Variants in LOC400499 observed in about 807,000 individuals in gnomAD.
At chr16:11,407,000 G>C in the LOC400499 span, among the ~76,000 whole-genome samples, 3 of 152,272 alleles carry the variant, frequency 2.0e-5, no homozygotes, top group Admixed American at 1.3e-4. Flanking sequence ...TTCTGAAATA[G>C]TGCCTGGCAC....
chr16:11,383,555 C>G, the LOC400499 span: 44 of 1,201,912 alleles, frequency 3.7e-5, no homozygotes, highest in Non-Finnish European at 4.5e-5. Context: ...TTTGTCCTCC[C>G]TGGTGAGAGA....
chr16:11,376,615 G>C, the LOC400499 span, among the ~76,000 whole-genome samples: 21 of 152,266 alleles, frequency 1.4e-4, no homozygotes, highest in African/African-American at 5.1e-4. Context: ...TTTTGAAATT[G>C]GGAAGTATAA....
the LOC400499 span, among the ~76,000 whole-genome samples, chr16:11,381,453 G>C: frequency 6.6e-6 from 1 of 152,104 alleles, no homozygotes. Context: ...CTCTAGAGAT[G>C]AGTCCTCGGT....
At chr16:11,515,143 T>C in the LOC400499 span, among the ~76,000 whole-genome samples, 1 of 152,066 alleles carries the variant, frequency 6.6e-6, no homozygotes, top group Non-Finnish European at 1.5e-5. Flanking sequence ...TTATCTCTAC[T>C]AAAATTTTTT....
the LOC400499 span, chr16:11,391,588 G>C: frequency 4.9e-5 from 57 of 1,171,358 alleles, no homozygotes; most frequent in Non-Finnish European, 6.0e-5. Context: ...ACAGGCCAAT[G>C]TGAGCGCTTA....
chr16:11,482,619 G>A, the LOC400499 span, among the ~76,000 whole-genome samples: 16 of 152,280 alleles, frequency 1.1e-4, no homozygotes, highest in African/African-American at 3.8e-4. Flanking sequence ...GGTCAGCCAT[G>A]GTGGGTCACA....
At chr16:11,406,750 T>C in the LOC400499 span, among the ~76,000 whole-genome samples, 20 of 152,376 alleles carry the variant, frequency 1.3e-4, no homozygotes, top group African/African-American at 4.3e-4. Context: ...GATTTTCAAA[T>C]GGCTGGTGCT....
the LOC400499 span, among the ~76,000 whole-genome samples, chr16:11,486,978 T>G: frequency 6.8e-6 from 1 of 146,718 alleles, no homozygotes; most frequent in Non-Finnish European, 1.5e-5. Flanking sequence ...GGTGGGTGGA[T>G]GGACGAGATG....
chr16:11,503,750 G>A, the LOC400499 span, among the ~76,000 whole-genome samples: 1 of 152,198 alleles, frequency 6.6e-6, no homozygotes, highest in African/African-American at 2.4e-5. Context: ...GCCTTCTGTG[G>A]TCAGAGCCAG....
At chr16:11,482,721 T>C in the LOC400499 span, among the ~76,000 whole-genome samples, 1 of 151,886 alleles carries the variant, frequency 6.6e-6, no homozygotes. Context: ...TGAGACCCCA[T>C]CTCAACAAAA....
At chr16:11,374,937 C>T in the LOC400499 span, among the ~76,000 whole-genome samples, 2 of 152,128 alleles carry the variant, frequency 1.3e-5, no homozygotes, top group Non-Finnish European at 2.9e-5. Context: ...CAACCTCCGC[C>T]TCCCGGGTTC....
At chr16:11,510,550 G>C in the LOC400499 span, among the ~76,000 whole-genome samples, 1 of 151,614 alleles carries the variant, frequency 6.6e-6, no homozygotes, top group Non-Finnish European at 1.5e-5. Context: ...TCCTGACATG[G>C]ATCACAGTCT....
the LOC400499 span, among the ~76,000 whole-genome samples, chr16:11,492,401 A>C: frequency 2.6e-5 from 4 of 151,998 alleles, no homozygotes; most frequent in South Asian, 4.1e-4. Flanking sequence ...TGACAGCCAT[A>C]AACAAGACCA....
At chr16:11,506,747 G>C in the LOC400499 span, among the ~76,000 whole-genome samples, 1 of 152,286 alleles carries the variant, frequency 6.6e-6, no homozygotes, top group African/African-American at 2.4e-5. Context: ...CTGAGTCCTG[G>C]TTTTGTTTCC....
At chr16:11,465,914 A>G in the LOC400499 span, among the ~76,000 whole-genome samples, 1 of 152,084 alleles carries the variant, frequency 6.6e-6, no homozygotes, top group African/African-American at 2.4e-5. Context: ...GGAAGAAAGG[A>G]AGAAAAAAGA....
chr16:11,386,546 TTCCCCCATAGACATGAGGGGC>T, the LOC400499 span, among the ~76,000 whole-genome samples: 1 of 152,240 alleles, frequency 6.6e-6, no homozygotes, highest in Non-Finnish European at 1.5e-5. Context: ...GGTACCGGGG[TTCCCCCATAGACATGAGGGGC>T]TCCCCCTGCA....
At chr16:11,397,773 T>C in the LOC400499 span, among the ~76,000 whole-genome samples, 8 of 34,682 alleles carry the variant, frequency 2.3e-4, no homozygotes, top group Non-Finnish European at 4.1e-4. Context: ...GAGGGAGGGA[T>C]GGAGGGAGGG....
chr16:11,404,395 G>C, the LOC400499 span, among the ~76,000 whole-genome samples: 3 of 152,082 alleles, frequency 2.0e-5, no homozygotes, highest in African/African-American at 4.8e-5. Context: ...CGCTCAGGCT[G>C]GAATGCACTG....
the LOC400499 span, among the ~76,000 whole-genome samples, chr16:11,378,675 CTTATT>C: frequency 6.6e-6 from 1 of 152,284 alleles, no homozygotes; most frequent in African/African-American, 2.4e-5. Flanking sequence ...CTGATTTTTC[CTTATT>C]TTCTTTCTTT....
Sources: allele counts gnomAD v4.1 joint callset (sites outside exome capture counted in the v4.1 genomes callset), GRCh38; gene constraint gnomAD v4.1.1; transcripts MANE v1.5.